MSMB: variants seen among roughly 807,000 people sequenced by gnomAD.
MSMB encodes microseminoprotein beta.
MSMB carries 10 observed loss-of-function variants against 10.5 expected under a neutral mutation model. That is an observed-to-expected ratio of 0.95 (90% CI 0.59 to 1.62). The LOEUF is 1.62. MSMB is among the 40% of genes most tolerant of loss of function. The probability of loss-of-function intolerance (pLI) is 0.00; values close to 1 mark genes in which losing one functional copy is unlikely to be tolerated. For synonymous variants in MSMB, 43 were observed against 46.5 expected (o/e 0.93, Z 0.30); for missense variants, 126 against 137.4 (o/e 0.92, Z 0.42).
chr10:46,042,747 TCAC>T (rs1486529623), intron 1 of MSMB, among the ~76,000 whole-genome samples: 1 of 152,132 alleles, frequency 6.6e-6, no homozygotes, highest in Non-Finnish European at 1.5e-5. Flanking sequence ...GAGCAATTGA[TCAC>T]CACATGTCAC....
Position 46,033,416 on chromosome 10 carries a change from A to C in MSMB, c.*6T>G, listed in dbSNP as rs1554927057. The C allele has an allele frequency of 1.9e-6, 3 of 1,613,406 alleles. No homozygotes were observed. The highest frequency in any genetic ancestry group is 2.5e-6 in the Non-Finnish European group (3 of 1,179,422). On this transcript the variant is annotated 3_prime_UTR_variant, in exon 4 of 4. Transcript: ENST00000582163. ...GCCTGGGAGCCCTGTGCCTACTAGAAGCACATTAGATTATCCATTCACTGA... is the reference window on the plus strand; with the variant it reads ...GCCTGGGAGCCCTGTGCCTACTAGACGCACATTAGATTATCCATTCACTGA...
At chr10:46,045,124 T>TGCAGCCCCCAGA (rs1344091883) in intron 1 of MSMB, among the ~76,000 whole-genome samples, 1 of 152,200 alleles carries the variant, frequency 6.6e-6, no homozygotes, top group Admixed American at 6.5e-5. Flanking sequence ...TCATCTCCCT[T>TGCAGCCCCCAGA]GCAGCCCCCA....
intron 2 of MSMB, among the ~76,000 whole-genome samples, chr10:46,039,345 T>C (rs1206576371): frequency 2.6e-5 from 4 of 152,246 alleles, no homozygotes; most frequent in Non-Finnish European, 5.9e-5. Flanking sequence ...AAGGCCCTTT[T>C]ATTGAATTAG....
At chr10:46,035,887 T>C (rs1840590508) in intron 3 of MSMB, among the ~76,000 whole-genome samples, 2 of 152,108 alleles carry the variant, frequency 1.3e-5, no homozygotes, top group South Asian at 4.1e-4. Context: ...TTTTAGTTCA[T>C]GGTAGGAAGT....
chr10:46,040,549 A>C (rs942906652), intron 1 of MSMB, among the ~76,000 whole-genome samples: 1 of 152,228 alleles, frequency 6.6e-6, no homozygotes, highest in Non-Finnish European at 1.5e-5. Flanking sequence ...GTTTTAGCTG[A>C]CATGATGAGA....
chr10:46,044,575 G>GAAAAAAAAAAAAAAAAAAA (rs56061175), intron 1 of MSMB, among the ~76,000 whole-genome samples: 4 of 38,530 alleles, frequency 1.0e-4, no homozygotes, highest in African/African-American at 2.8e-4. Context: ...CTCCGTCTCA[G>GAAAAAAAAAAAAAAAAAAA]AAAAAAAAAA....
Position 46,033,314 on chromosome 10 carries a change from T to G in MSMB, c.*108A>C. On this transcript the variant is annotated 3_prime_UTR_variant, in exon 4 of 4. Coordinates refer to ENST00000582163, the MANE Select transcript of MSMB (RefSeq NM_002443.4). ...TAAAAGGACACACATATTCAAGTGT[T>G]TGCTCAAAAATCTTTTTACTGATAG... The G allele has an allele frequency of 7.3e-7, 1 of 1,369,706 alleles. No homozygotes were observed. Among genetic ancestry groups the G allele is most frequent in the Non-Finnish European group, 1.0e-6 (1 of 1,004,144 alleles). The allele number at this position is 1,369,706 out of a possible 1,614,324, so 84.8% of individuals were successfully genotyped here. A position where few individuals can be genotyped will look rare whatever the true frequency, so the allele number is the denominator to read the frequency against.
intron 3 of MSMB, among the ~76,000 whole-genome samples, chr10:46,038,655 A>C (rs1170614914): frequency 2.0e-5 from 3 of 152,144 alleles, no homozygotes; most frequent in Non-Finnish European, 4.4e-5. Flanking sequence ...ACCAAGAGGA[A>C]GCCCTAACAT....
rs569096566 is a variant in MSMB, at chr10:46,042,825, G to A, written c.4-2734C>T. On this transcript the variant is annotated intron_variant, in intron 1 of 3. Coordinates refer to ENST00000582163, the MANE Select transcript of MSMB (RefSeq NM_002443.4). ...GAGAGATGCTCAGAACACACTGAGGGTTTTGTACCAAATAACAAGTCATCT... is the reference window on the plus strand; with the variant it reads ...GAGAGATGCTCAGAACACACTGAGGATTTTGTACCAAATAACAAGTCATCT... Among the ~76,000 whole-genome samples the A allele has an allele frequency of 2.6e-5, 4 of 152,308 alleles. No individual in the cohort carries two copies. In the East Asian group the frequency reaches 7.7e-4, roughly 29 times the overall value.
intron 1 of MSMB, among the ~76,000 whole-genome samples, chr10:46,043,983 T>C (rs1365391462): frequency 6.6e-6 from 1 of 151,852 alleles, no homozygotes; most frequent in South Asian, 2.1e-4. Context: ...CCAGACAGCC[T>C]GTTAATTAAC....
chr10:46,042,753 CAT>C (rs1233317935), intron 1 of MSMB, among the ~76,000 whole-genome samples: 4 of 152,190 alleles, frequency 2.6e-5, no homozygotes, highest in African/African-American at 7.2e-5. Context: ...TTGATCACCA[CAT>C]GTCACGACAT....
intron 3 of MSMB, among the ~76,000 whole-genome samples, chr10:46,038,594 T>G (rs1222268275): frequency 6.6e-6 from 1 of 152,080 alleles, no homozygotes; most frequent in Non-Finnish European, 1.5e-5. Flanking sequence ...GGCCCACAAT[T>G]TTTTAAAAAG....
chr10:46,035,228 T>A (rs1235949140), intron 3 of MSMB, among the ~76,000 whole-genome samples: 1 of 152,172 alleles, frequency 6.6e-6, no homozygotes, highest in Non-Finnish European at 1.5e-5. Flanking sequence ...TGGCAGCTCC[T>A]CAATAAGTTA....
chr10:46,033,384 A>G lies in MSMB; in HGVS notation c.*38T>C. On this transcript the variant is annotated 3_prime_UTR_variant, in exon 4 of 4. Transcript: ENST00000582163. The stretch of plus-strand genomic sequence containing the variant: ...GACTATTAGAGGCCAGAGGAGAATG[A>G]GGCCTGGCCTGGGAGCCCTGTGCCT... 6.2e-7 allele frequency: 1 copy of G among 1,608,462 alleles called. No individual in the cohort carries two copies. The highest frequency in any genetic ancestry group is 8.5e-7 in the Non-Finnish European group (1 of 1,176,694).
At chr10:46,045,106 T>C (rs1346710258) in intron 1 of MSMB, among the ~76,000 whole-genome samples, 1 of 152,192 alleles carries the variant, frequency 6.6e-6, no homozygotes, top group Non-Finnish European at 1.5e-5. Flanking sequence ...GGCTGGCTGT[T>C]TCTTGCCTCA....
intron 3 of MSMB, among the ~76,000 whole-genome samples, chr10:46,037,999 A>T (rs1164948538): frequency 6.6e-6 from 1 of 152,176 alleles, no homozygotes; most frequent in Non-Finnish European, 1.5e-5. Context: ...ATATTATGCT[A>T]AGTGAAATGA....
intron 1 of MSMB, among the ~76,000 whole-genome samples, chr10:46,042,386 T>TG (rs1444081956): frequency 1.3e-5 from 2 of 152,096 alleles, no homozygotes; most frequent in Admixed American, 1.3e-4. Context: ...AGAAGCATAA[T>TG]GGGATGGTGA....
At chr10:46,035,086 A>G (rs1840571695) in intron 3 of MSMB, among the ~76,000 whole-genome samples, 2 of 152,210 alleles carry the variant, frequency 1.3e-5, no homozygotes, top group African/African-American at 4.8e-5. Context: ...ATGCTTCCCA[A>G]TGATTCTATA....
At chr10:46,033,956 G>C (rs1210684176) in intron 3 of MSMB, among the ~76,000 whole-genome samples, 1 of 152,188 alleles carries the variant, frequency 6.6e-6, no homozygotes, top group East Asian at 1.9e-4. Flanking sequence ...CAACCAACCA[G>C]AGCAATGAGT....
Sources: gnomAD v4.1 joint callset for allele counts (sites outside exome capture counted in the v4.1 genomes callset) on GRCh38, gnomAD v4.1.1 for gene constraint, MANE v1.5 for transcripts, NCBI Gene and HGNC (gene_info 2026-07-23, HGNC 2026-07-21) for gene names.